The following DIP2C variants were observed in gnomAD, a reference collection of about 807,000 sequenced individuals.
DIP2C encodes disco-interacting protein 2 homolog C.
A neutral mutation model predicts 192.4 loss-of-function variants in DIP2C; 33 were observed. The ratio of observed to expected loss-of-function variants is 0.17; its 90% CI spans 0.13 to 0.23. DIP2C has a LOEUF of 0.23. DIP2C is among the 10% of genes least tolerant of loss of function. DIP2C has a pLI of 1.00. For missense variants in DIP2C, 1,537 were observed against 2,110.1 expected (o/e 0.73, Z 5.32); for synonymous variants, 979 against 864.1 (o/e 1.13, Z -2.33).
intron 9 of DIP2C, among the ~76,000 whole-genome samples, chr10:402,050 G>C (rs575351503): frequency 3.9e-5 from 3 of 76,282 alleles, no homozygotes; most frequent in African/African-American, 1.5e-4. Flanking sequence ...GTGTTCATCA[G>C]CACATGAATC....
At chr10:449,924 A>C (rs117346867) in intron 3 of DIP2C, among the ~76,000 whole-genome samples, 52,078 of 130,228 alleles carry the variant, frequency 0.4, 10,279 homozygotes, top group Non-Finnish European at 0.51. Flanking sequence ...CAACAACAAA[A>C]AAAAAAAAAA....
At chr10:299,683 A>C (rs1400879416) in intron 32 of DIP2C, among the ~76,000 whole-genome samples, 1 of 149,668 alleles carries the variant, frequency 6.7e-6, no homozygotes, top group Non-Finnish European at 1.5e-5. Context: ...CACAATGAAC[A>C]GAATCAGCGG....
At chr10:602,592 G>A (rs1852163577) in intron 1 of DIP2C, among the ~76,000 whole-genome samples, 1 of 152,176 alleles carries the variant, frequency 6.6e-6, no homozygotes, top group South Asian at 2.1e-4. Flanking sequence ...CAGGTCCTGG[G>A]GCACCAGATC....
chr10:603,530 A>G (rs1480153765), intron 1 of DIP2C, among the ~76,000 whole-genome samples: 1 of 152,060 alleles, frequency 6.6e-6, no homozygotes, highest in Non-Finnish European at 1.5e-5. Context: ...CTGGAACAAG[A>G]CCATACTGTG....
chr10:465,438 A>C (rs1449146759), intron 3 of DIP2C, among the ~76,000 whole-genome samples: 3 of 151,940 alleles, frequency 2.0e-5, no homozygotes, highest in Non-Finnish European at 4.4e-5. Context: ...ATCATACTGA[A>C]TGGGCATAAA....
intron 2 of DIP2C, among the ~76,000 whole-genome samples, chr10:473,081 T>C (rs1486913612): frequency 2.0e-5 from 3 of 152,228 alleles, no homozygotes; most frequent in Non-Finnish European, 4.4e-5. Context: ...ACTTACTCCA[T>C]TGGATGCCAA....
At position 334,281 on chromosome 10, in the gene DIP2C, C is replaced by T. The variant is rs537350886; in HGVS notation, c.3585-4680G>A. On this transcript the variant is annotated intron_variant, in intron 29 of 36. Transcript: ENST00000280886. The stretch of plus-strand genomic sequence containing the variant: ...GAGATCAAGCTACTGCACTCCAGCC[C>T]GGGTGACAGAGCAAGACTGTCTCAA... Among the ~76,000 whole-genome samples, 24 of 108,290 alleles carry T rather than the reference C, an allele frequency of 2.2e-4. No individual in the cohort carries two copies. The South Asian group carries it at 3.8e-3, about 17-fold the overall frequency. 71.0% of individuals were successfully genotyped at this position (108,290 alleles called of 152,430 possible).
intron 24 of DIP2C, among the ~76,000 whole-genome samples, chr10:351,581 A>C (rs762601052): frequency 2.0e-5 from 3 of 152,116 alleles, no homozygotes; most frequent in African/African-American, 7.2e-5. Context: ...TTCCTTGATT[A>C]TTTCCCCACT....
At chr10:346,694 C>G in intron 26 of DIP2C, among the ~76,000 whole-genome samples, 1 of 145,616 alleles carries the variant, frequency 6.9e-6, no homozygotes, top group Non-Finnish European at 1.5e-5. Flanking sequence ...CACACCCAAC[C>G]CAGACACACC....
Position 384,645 on chromosome 10 carries a change from A to G in DIP2C, c.1663-6T>C. On this transcript the variant is annotated splice_region_variant and splice_polypyrimidine_tract_variant and intron_variant, in intron 14 of 36. Transcript: ENST00000280886. ...TGCATCATGTTCATGACGCTCTGCAATCAACAAAGGAACACGCAGGGTGAG... is the reference window on the plus strand; with the variant it reads ...TGCATCATGTTCATGACGCTCTGCAGTCAACAAAGGAACACGCAGGGTGAG... The G allele has an allele frequency of 6.2e-7, 1 of 1,613,794 alleles. No homozygotes were observed. Among genetic ancestry groups the G allele is most frequent in the Non-Finnish European group, 8.5e-7 (1 of 1,179,968 alleles).
chr10:283,502 G>A (rs2132148991), intron 34 of DIP2C, 56 bp from the exon 35 acceptor site: 3 of 1,591,058 alleles, frequency 1.9e-6, no homozygotes, highest in South Asian at 1.1e-5. Flanking sequence ...CCAGGGAAAT[G>A]AGACTACAAC....
At chr10:400,725 G>C (rs1054287520) in intron 9 of DIP2C, among the ~76,000 whole-genome samples, 1 of 150,514 alleles carries the variant, frequency 6.6e-6, no homozygotes, top group African/African-American at 2.5e-5. Flanking sequence ...TACACGTGTG[G>C]TAGCATTAGC....
chr10:291,276 T>C (rs1440456840), intron 32 of DIP2C, among the ~76,000 whole-genome samples: 1 of 152,226 alleles, frequency 6.6e-6, no homozygotes, highest in African/African-American at 2.4e-5. Flanking sequence ...GTCTGAAGTG[T>C]TGAAAACACG....
chr10:507,848 C>G (rs1361840094), intron 1 of DIP2C, among the ~76,000 whole-genome samples: 1 of 152,208 alleles, frequency 6.6e-6, no homozygotes, highest in Non-Finnish European at 1.5e-5. Context: ...TCCTCAGAAA[C>G]TGTTCCTGAC....
chr10:686,688 G>C (rs780436211), intron 1 of DIP2C, among the ~76,000 whole-genome samples: 5 of 152,258 alleles, frequency 3.3e-5, no homozygotes, highest in Non-Finnish European at 5.9e-5. Flanking sequence ...GGTGTGAGCT[G>C]GCCTCACCTT....
intron 31 of DIP2C, among the ~76,000 whole-genome samples, chr10:325,275 A>G (rs987902238): frequency 3.9e-5 from 6 of 152,014 alleles, no homozygotes; most frequent in African/African-American, 1.5e-4. Flanking sequence ...AAAAACAAAC[A>G]AACAAAAAAA....
chr10:447,063 C>G (rs1216173917), intron 3 of DIP2C, among the ~76,000 whole-genome samples: 1 of 152,232 alleles, frequency 6.6e-6, no homozygotes, highest in African/African-American at 2.4e-5. Flanking sequence ...CGCATGCAAA[C>G]TAACAAGGGA....
At chr10:282,095 T>TG (rs1337106781) in intron 35 of DIP2C, 2 of 158,964 alleles carry the variant, frequency 1.3e-5, no homozygotes, top group African/African-American at 4.8e-5. Context: ...CAGACGAGAT[T>TG]GGGCGCGTTC....
At chr10:379,889 G>A (rs1289367740) in intron 17 of DIP2C, among the ~76,000 whole-genome samples, 1 of 152,024 alleles carries the variant, frequency 6.6e-6, no homozygotes, top group African/African-American at 2.4e-5. Flanking sequence ...TGGTTAACGT[G>A]CAGAAGAGGC....
Sources: allele counts gnomAD v4.1 joint callset (sites outside exome capture counted in the v4.1 genomes callset), GRCh38; gene constraint gnomAD v4.1.1; transcripts MANE v1.5; gene names NCBI Gene and HGNC (gene_info 2026-07-23, HGNC 2026-07-21).